The following MYH9 variants were observed in gnomAD, a reference collection of about 807,000 sequenced individuals.
MYH9 encodes myosin-9.
A neutral mutation model predicts 241.9 loss-of-function variants in MYH9; 29 were observed. That is an observed-to-expected ratio of 0.12 (90% CI 0.09 to 0.16). MYH9 has a LOEUF of 0.16. Ranked by LOEUF, MYH9 falls within the 10% of genes least tolerant of loss-of-function variation. MYH9 has a pLI of 1.00. For synonymous variants in MYH9, 1,047 were observed against 1,062.6 expected, an observed-to-expected ratio of 0.99 and a Z score of 0.29; for missense variants, 1,803 against 2,595.5, an observed-to-expected ratio of 0.69 and a Z score of 6.63.
At chr22:36,283,605 G>C (rs1268667826) in intron 40 of MYH9, among the ~76,000 whole-genome samples, 1 of 147,888 alleles carries the variant, frequency 6.8e-6, no homozygotes. Flanking sequence ...TAAGAAATGA[G>C]TATCTCAAAA....
At chr22:36,361,083 A>C (rs1037886609) in intron 1 of MYH9, among the ~76,000 whole-genome samples, 15 of 151,832 alleles carry the variant, frequency 9.9e-5, no homozygotes, top group African/African-American at 3.1e-4. Context: ...CTAGGCCCTC[A>C]CTCTCCCCAG....
intron 1 of MYH9, among the ~76,000 whole-genome samples, chr22:36,382,863 A>G (rs2018281194): frequency 6.6e-6 from 1 of 152,150 alleles, no homozygotes; most frequent in African/African-American, 2.4e-5. Context: ...AGGCACTCCC[A>G]TACATAACTT....
At chr22:36,370,807 G>C (rs904906265) in intron 1 of MYH9, among the ~76,000 whole-genome samples, 14 of 150,662 alleles carry the variant, frequency 9.3e-5, no homozygotes, top group African/African-American at 1.9e-4. Flanking sequence ...CCGGAGCAGA[G>C]AGCAAAGTGG....
chr22:36,303,617 C>G (rs144668044), intron 19 of MYH9, among the ~76,000 whole-genome samples: 1 of 151,778 alleles, frequency 6.6e-6, no homozygotes, highest in Non-Finnish European at 1.5e-5. Context: ...AACCCCGTCT[C>G]TACTAAAAAT....
intron 11 of MYH9, 122 bp from the exon 12 acceptor site, chr22:36,316,791 G>C (rs1603483365): frequency 8.9e-7 from 1 of 1,128,416 alleles, no homozygotes; most frequent in Non-Finnish European, 1.3e-6. Context: ...TAAGTATGTG[G>C]GGGAAAAAAA....
chr22:36,288,576 A>G lies in MYH9; in HGVS notation c.4770+151T>C. ...GAACTCTAAGAAAGTGAGTCACTGA[A>G]CCCCGAGACAGGAGGCTAGAAAGAA... is the stretch of plus-strand genomic sequence containing the variant. On this transcript the variant is annotated intron_variant, in intron 33 of 40. Coordinates refer to ENST00000216181, the MANE Select transcript of MYH9 (RefSeq NM_002473.6). The surrounding 1 kb of genome is among the most constrained non-coding windows in gnomAD (Gnocchi z 4.8). 3 of 1,301,956 alleles carry G rather than the reference A, an allele frequency of 2.3e-6. No individual in the cohort carries two copies. The highest frequency in any genetic ancestry group is 2.4e-5 in the South Asian group (2 of 83,976). The allele number at this position is 1,301,956 out of a possible 1,614,324, so 80.7% of individuals were successfully genotyped here.
chr22:36,318,924 C>T (rs147091007), intron 10 of MYH9, among the ~76,000 whole-genome samples: 2 of 152,128 alleles, frequency 1.3e-5, no homozygotes, highest in East Asian at 1.9e-4. Flanking sequence ...CCACCATGCC[C>T]GGCTAATTTT....
intron 1 of MYH9, among the ~76,000 whole-genome samples, chr22:36,372,843 C>A (rs1163875574): frequency 6.6e-6 from 1 of 152,098 alleles, no homozygotes; most frequent in East Asian, 1.9e-4. Context: ...AGGAAGACAG[C>A]AGAATTCAGG....
rs136207 is a variant in MYH9 at position 36,360,030 on chromosome 22, ACACCACCACCAC to A, written c.-19-10787_-19-10776del. 4.7e-3 allele frequency among the ~76,000 whole-genome samples: 479 copies of A among 102,244 alleles called. 4 individuals are homozygous for A. The highest frequency in any genetic ancestry group is 0.014 in the African/African-American group (378 of 27,790). The allele number at this position is 102,244 out of a possible 152,430, so 67.1% of individuals were successfully genotyped here. ...TTTCCTAGCTTTAGAATGAGGACAA[ACACCACCACCAC>A]CACCACCACCACCACCACCACCACC... On this transcript the variant is annotated intron_variant, in intron 1 of 40. Transcript: ENST00000216181.
intron 12 of MYH9, among the ~76,000 whole-genome samples, chr22:36,315,196 C>T (rs552446231): frequency 3.3e-5 from 5 of 152,212 alleles, no homozygotes; most frequent in African/African-American, 1.2e-4. Flanking sequence ...GAATGTAACA[C>T]GAAAACATCT....
chr22:36,321,895 A>C (rs1428419205), intron 6 of MYH9, 74 bp from the exon 7 acceptor site: 4 of 1,291,522 alleles, frequency 3.1e-6, no homozygotes, highest in Non-Finnish European at 4.5e-6. Flanking sequence ...GGGAGACCAC[A>C]GCCCCCCGCC....
chr22:36,298,008 C>T (rs2016815046), intron 24 of MYH9, among the ~76,000 whole-genome samples: 1 of 152,144 alleles, frequency 6.6e-6, no homozygotes, highest in South Asian at 2.1e-4. Flanking sequence ...CCTAGACCTC[C>T]TAGATGACCA....
chr22:36,371,449 C>T (rs904483232), intron 1 of MYH9, among the ~76,000 whole-genome samples: 1 of 152,206 alleles, frequency 6.6e-6, no homozygotes, highest in African/African-American at 2.4e-5. Flanking sequence ...TCTTGCATTT[C>T]CAGCCTCCAG....
intron 40 of MYH9, 106 bp downstream of exon 40, chr22:36,283,987 C>A: frequency 7.2e-7 from 1 of 1,384,562 alleles, no homozygotes; most frequent in African/African-American, 1.4e-5. Context: ...TTTGTGCAGT[C>A]CTTTCTTGGT....
chr22:36,296,818 TCAGGCGGG>T lies in MYH9; in HGVS notation c.3272+17_3272+24del, dbSNP rs2146339707. On this transcript the variant is annotated intron_variant, in intron 25 of 40. Transcript: ENST00000216181. ...AAGGGCTGGCCCAGGCCACCTGGCC[TCAGGCGGG>T]CAGGCGGGGTCCTCACCTGGCCAGG... The T allele has an allele frequency of 1.3e-6, 2 of 1,591,082 alleles. No individual in the cohort carries two copies. Among genetic ancestry groups the T allele is most frequent in the Admixed American group, 3.4e-5 (2 of 58,938 alleles).
chr22:36,314,369 G>A, intron 12 of MYH9, 51 bp from the exon 13 acceptor site: 1 of 1,606,340 alleles, frequency 6.2e-7, no homozygotes, highest in South Asian at 1.1e-5. Context: ...GCACTAAAGA[G>A]GCCCAGACAC....
chr22:36,297,076 A>T, intron 24 of MYH9, 62 bp from the exon 25 acceptor site: 1 of 1,575,738 alleles, frequency 6.3e-7, no homozygotes, highest in Non-Finnish European at 8.7e-7. Flanking sequence ...CGTGTCAATT[A>T]CTTATACAAA....
At chr22:36,382,194 G>T (rs1192639852) in intron 1 of MYH9, among the ~76,000 whole-genome samples, 1 of 152,170 alleles carries the variant, frequency 6.6e-6, no homozygotes, top group Non-Finnish European at 1.5e-5. Flanking sequence ...CAGAGTGCTG[G>T]CCAGGTGCGG....
intron 15 of MYH9, among the ~76,000 whole-genome samples, chr22:36,307,345 C>A (rs775422928): frequency 1.3e-5 from 2 of 152,350 alleles, no homozygotes; most frequent in Non-Finnish European, 1.5e-5. Context: ...AAACCAATTG[C>A]ATCCTCCAAG....
Sources: allele counts gnomAD v4.1 joint callset (sites outside exome capture counted in the v4.1 genomes callset), GRCh38; gene constraint gnomAD v4.1.1; non-coding constraint Gnocchi (gnomAD v3.1); transcripts MANE v1.5; gene names NCBI Gene and HGNC (gene_info 2026-07-23, HGNC 2026-07-21).